Variants in PPP6R3 observed in about 807,000 individuals in gnomAD.
PPP6R3 encodes serine/threonine-protein phosphatase 6 regulatory subunit 3.
Under a neutral mutation model 110.7 loss-of-function variants are expected in PPP6R3, and 38 were observed. The ratio of observed to expected loss-of-function variants is 0.34; its 90% confidence interval spans 0.26 to 0.45. The LOEUF (loss-of-function observed/expected upper bound fraction) is 0.45, where lower values mean the gene tolerates loss of function less well. PPP6R3 is among the 20% of genes least tolerant of loss of function. PPP6R3 has a pLI of 1.00. For synonymous variants in PPP6R3, 369 were observed against 373.5 expected (o/e 0.99, Z 0.14); for missense variants, 870 against 1,062.4 (o/e 0.82, Z 2.52).
chr11:68,581,513 A>G (rs1364120342), intron 14 of PPP6R3, among the ~76,000 whole-genome samples: 2 of 152,258 alleles, frequency 1.3e-5, no homozygotes, highest in Non-Finnish European at 2.9e-5. Context: ...GTGCCCCACC[A>G]TGGGGTTACA....
intron 1 of PPP6R3, among the ~76,000 whole-genome samples, chr11:68,467,131 T>A (rs1482697495): frequency 2.0e-5 from 3 of 152,264 alleles, no homozygotes; most frequent in Admixed American, 6.5e-5. Context: ...TACGGCTGGC[T>A]AGAGTTGACC....
At chr11:68,603,047 G>T (rs2099636466) in intron 21 of PPP6R3, among the ~76,000 whole-genome samples, 2 of 152,170 alleles carry the variant, frequency 1.3e-5, no homozygotes, top group South Asian at 4.1e-4. Context: ...ACAGTTAGGA[G>T]CACAAGTGTC....
At chr11:68,491,973 A>G (rs1171038258) in intron 1 of PPP6R3, among the ~76,000 whole-genome samples, 2 of 152,152 alleles carry the variant, frequency 1.3e-5, no homozygotes, top group African/African-American at 2.4e-5. Context: ...ACCAGCTTGC[A>G]TTAAACACTA....
chr11:68,506,670 GAAA>G (rs1172285673), intron 1 of PPP6R3, among the ~76,000 whole-genome samples: 1 of 151,624 alleles, frequency 6.6e-6, no homozygotes, highest in Non-Finnish European at 1.5e-5. Context: ...ATATCTCAAA[GAAA>G]AAAAACCCTT....
chr11:68,527,704 G>A (rs533442446), intron 2 of PPP6R3, among the ~76,000 whole-genome samples: 65 of 152,284 alleles, frequency 4.3e-4, no homozygotes, highest in African/African-American at 1.5e-3. Context: ...AAACTCACTG[G>A]ATCTGTCTGC....
chr11:68,489,728 TA>T (rs1423825228), intron 1 of PPP6R3, among the ~76,000 whole-genome samples: 2 of 151,836 alleles, frequency 1.3e-5, no homozygotes, highest in African/African-American at 4.8e-5. Flanking sequence ...TTTTAAGACA[TA>T]ATGGTATTGC....
Position 68,576,539 on chromosome 11 carries a change from G to T in PPP6R3, c.1545+496G>T, listed in dbSNP as rs113170540. Among the ~76,000 whole-genome samples, 7 of 152,230 alleles carry T rather than the reference G, an allele frequency of 4.6e-5. 2 individuals are homozygous for T. The highest frequency in any genetic ancestry group is 1.7e-4 in the African/African-American group (7 of 41,534). ...GCTTTAAAATTTTTTTACCAGAATT[G>T]GGACTTTGAGCCAGGGAATAATGGC... On this transcript the variant is annotated intron_variant, in intron 14 of 23. Transcript: ENST00000393800.
chr11:68,548,108 T>G lies in PPP6R3; in HGVS notation c.456T>G (p.Leu152=). The G allele has an allele frequency of 1.2e-6, 2 of 1,613,920 alleles. No individual in the cohort carries two copies. The highest frequency in any genetic ancestry group is 1.7e-6 in the Non-Finnish European group (2 of 1,179,762). ...FLKKKHDFVD[L]IIKHIGTSAI... ...AGAAGAAGCATGATTTTGTAGACCT[T>G]ATTATAAAGCACATAGGAACTTCTG... The change falls in exon 5 of 24, where the codon CTT becomes CTG. Residue 152 remains leucine (L), a synonymous_variant. Transcript: ENST00000393800.
In PPP6R3 at chr11:68,601,853, T is replaced by C. The variant is rs1331304638; in HGVS notation, c.2193-10T>C. On this transcript the variant is annotated splice_polypyrimidine_tract_variant and intron_variant, in intron 20 of 23. Coordinates refer to ENST00000393800, the MANE Select transcript of PPP6R3 (RefSeq NM_001164161.2). ...TGCTGCTAATATCTGAATTTTCTCT[T>C]TTTTGAAAGCACAAAAGATTCTTTA... The C allele has an allele frequency of 6.2e-7, 1 of 1,606,300 alleles. No homozygotes were observed. The highest frequency in any genetic ancestry group is 1.3e-5 in the African/African-American group (1 of 74,818).
At chr11:68,605,791 T>C (rs1166305201) in intron 22 of PPP6R3, among the ~76,000 whole-genome samples, 1 of 152,238 alleles carries the variant, frequency 6.6e-6, no homozygotes, top group African/African-American at 2.4e-5. Flanking sequence ...AGCAACTGTC[T>C]GTGGAGGAAA....
rs1443983306 is a variant in PPP6R3 at position 68,462,590 on chromosome 11, A to G, written c.-158+1763A>G. On this transcript the variant is annotated intron_variant, in intron 1 of 23. Coordinates refer to ENST00000393800, the MANE Select transcript of PPP6R3 (RefSeq NM_001164161.2). The stretch of plus-strand genomic sequence containing the variant: ...CTGTAAGGGTGCCGTGGATTGCAGT[A>G]TTCTTCAGCAAAGATAGTTTGGGAA... Among the ~76,000 whole-genome samples, 6 of 152,316 alleles carry G rather than the reference A, an allele frequency of 3.9e-5. No individual in the cohort carries two copies. In the Middle Eastern group the frequency reaches 0.01, roughly 259 times the overall value.
chr11:68,561,167 G>A (rs375615993), intron 8 of PPP6R3, among the ~76,000 whole-genome samples: 1 of 152,148 alleles, frequency 6.6e-6, no homozygotes, highest in South Asian at 2.1e-4. Flanking sequence ...GATTACAGGC[G>A]TGAGCCACCA....
chr11:68,588,993 G>A (rs914761205), intron 16 of PPP6R3, among the ~76,000 whole-genome samples: 4 of 151,896 alleles, frequency 2.6e-5, no homozygotes, highest in African/African-American at 9.7e-5. Flanking sequence ...GATCACTTGA[G>A]GTTAGGGGTT....
intron 6 of PPP6R3, among the ~76,000 whole-genome samples, chr11:68,553,396 C>T (rs981630573): frequency 2.6e-5 from 4 of 151,318 alleles, no homozygotes; most frequent in Non-Finnish European, 5.9e-5. Context: ...CAGGTTCAAG[C>T]GATTCTCCTG....
At chr11:68,511,117 G>C (rs1460988216) in intron 1 of PPP6R3, among the ~76,000 whole-genome samples, 3 of 151,120 alleles carry the variant, frequency 2.0e-5, no homozygotes, top group Non-Finnish European at 1.5e-5. Flanking sequence ...GCCCAGGCTG[G>C]AGTGCAATGG....
At chr11:68,612,057 G>A (rs560002896) in intron 23 of PPP6R3, among the ~76,000 whole-genome samples, 138 of 152,336 alleles carry the variant, frequency 9.1e-4, no homozygotes, top group African/African-American at 3.0e-3. Flanking sequence ...GCCCTGTGGG[G>A]CGTGGGGAGG....
chr11:68,571,814 T>C (rs1396690845), intron 12 of PPP6R3, among the ~76,000 whole-genome samples: 1 of 152,124 alleles, frequency 6.6e-6, no homozygotes, highest in Admixed American at 6.5e-5. Context: ...ATGGTAAAGC[T>C]CATTTTAGGT....
chr11:68,588,065 C>G, intron 16 of PPP6R3, 41 bp downstream of exon 16: 1 of 1,518,214 alleles, frequency 6.6e-7, no homozygotes, highest in Non-Finnish European at 9.2e-7. Context: ...TCTTGCACAC[C>G]CTTGCTCTTG....
intron 1 of PPP6R3, among the ~76,000 whole-genome samples, chr11:68,476,166 G>C (rs2098830162): frequency 6.6e-6 from 1 of 152,212 alleles, no homozygotes. Flanking sequence ...ACTCCAGCCT[G>C]GGCAACATTG....
Sources: allele counts gnomAD v4.1 joint callset (sites outside exome capture counted in the v4.1 genomes callset), GRCh38; gene constraint gnomAD v4.1.1; transcripts MANE v1.5; gene names NCBI Gene and HGNC (gene_info 2026-07-23, HGNC 2026-07-21).